ANKFY1: variants seen among roughly 807,000 people sequenced by gnomAD.
ANKFY1 encodes the protein ankyrin repeat and FYVE domain containing 1.
ANKFY1 carries 47 observed loss-of-function variants against 128.3 expected under a neutral mutation model. The ratio of observed to expected loss-of-function variants is 0.37; its 90% CI spans 0.29 to 0.47. The LOEUF (loss-of-function observed/expected upper bound fraction) is 0.47. Ranked by LOEUF, ANKFY1 falls within the 20% of genes least tolerant of loss-of-function variation. The pLI is 1.00. For synonymous variants in ANKFY1, 553 were observed against 601.6 expected (o/e 0.92, Z 1.18); for missense variants, 1,222 against 1,510.6 (o/e 0.81, Z 3.17).
At chr17:4,220,987 T>G (rs1426932608) in intron 3 of ANKFY1, among the ~76,000 whole-genome samples, 1 of 152,214 alleles carries the variant, frequency 6.6e-6, no homozygotes, top group Non-Finnish European at 1.5e-5. Flanking sequence ...ATCTCTGACT[T>G]CAAGGATGAA....
chr17:4,241,219 T>C (rs917316645), intron 2 of ANKFY1, among the ~76,000 whole-genome samples: 12 of 151,080 alleles, frequency 7.9e-5, no homozygotes, highest in Non-Finnish European at 8.8e-5. Context: ...GTATGTCATA[T>C]AGATTGAAGT....
chr17:4,248,169 G>C (rs926181209), intron 1 of ANKFY1, among the ~76,000 whole-genome samples: 1 of 152,198 alleles, frequency 6.6e-6, no homozygotes, highest in Admixed American at 6.5e-5. Flanking sequence ...CCGACCTCCA[G>C]GCCGTGGACG....
intron 11 of ANKFY1, among the ~76,000 whole-genome samples, chr17:4,185,532 G>T (rs1257456478): frequency 6.6e-6 from 1 of 151,438 alleles, no homozygotes; most frequent in Non-Finnish European, 1.5e-5. Flanking sequence ...GCATCTCGCT[G>T]TGTTGCCCAG....
intron 7 of ANKFY1, among the ~76,000 whole-genome samples, chr17:4,198,228 CTCTCTT>C (rs1262737942): frequency 2.0e-5 from 3 of 151,980 alleles, no homozygotes; most frequent in Non-Finnish European, 2.9e-5. Context: ...CAATTTCTCT[CTCTCTT>C]TCTCTTTCTT....
intron 8 of ANKFY1, among the ~76,000 whole-genome samples, chr17:4,196,657 G>A (rs1028925787): frequency 2.0e-5 from 3 of 152,184 alleles, no homozygotes; most frequent in Non-Finnish European, 4.4e-5. Context: ...GAGTGTTTAC[G>A]AGAAGGTAAA....
At chr17:4,221,983 G>A (rs989360347) in intron 3 of ANKFY1, 3 of 152,246 alleles carry the variant, frequency 2.0e-5, no homozygotes, top group Admixed American at 1.3e-4. Flanking sequence ...ATGCCGCCAA[G>A]GAGGTGGCGG....
At chr17:4,235,340 C>CAA (rs10677242) in intron 3 of ANKFY1, among the ~76,000 whole-genome samples, 94,721 of 116,604 alleles carry the variant, frequency 0.81, 40,335 homozygotes, top group South Asian at 0.97. Context: ...GACTCTGTCT[C>CAA]AAAAAAAAAA....
intron 20 of ANKFY1, 132 bp from the exon 21 acceptor site, chr17:4,173,576 C>A (rs1305490071): frequency 7.3e-6 from 6 of 827,442 alleles, no homozygotes; most frequent in African/African-American, 1.7e-5. Context: ...ACAGAGCCAT[C>A]CTTTCTGGTC....
At chr17:4,253,804 G>T (rs950938491) in intron 1 of ANKFY1, among the ~76,000 whole-genome samples, 3 of 152,124 alleles carry the variant, frequency 2.0e-5, no homozygotes, top group African/African-American at 7.2e-5. Context: ...ACTGCACACA[G>T]AGGAATTTCA....
chr17:4,200,665 T>C (rs2059911643), intron 7 of ANKFY1, among the ~76,000 whole-genome samples: 2 of 152,244 alleles, frequency 1.3e-5, no homozygotes, highest in Non-Finnish European at 1.5e-5. Context: ...GACCTTGCGA[T>C]GAATGCTAGA....
intron 12 of ANKFY1, 147 bp downstream of exon 12, chr17:4,184,671 T>G: frequency 1.2e-6 from 1 of 826,200 alleles, no homozygotes; most frequent in South Asian, 1.5e-5. Flanking sequence ...GACTACATGC[T>G]TCTCTAGTTT....
chr17:4,192,215 C>A (rs2059730032), intron 10 of ANKFY1, among the ~76,000 whole-genome samples: 1 of 142,842 alleles, frequency 7.0e-6, no homozygotes, highest in African/African-American at 2.7e-5. Flanking sequence ...GATGGTTGCT[C>A]TAATCTGGAG....
intron 17 of ANKFY1, 33 bp downstream of exon 17, chr17:4,179,688 C>T (rs368064575): frequency 7.5e-6 from 12 of 1,608,846 alleles, no homozygotes; most frequent in Non-Finnish European, 1.0e-5. Context: ...GCTGGGGCTA[C>T]ACCTCTCTCC....
At chr17:4,221,836 G>C (rs1040851855) in intron 3 of ANKFY1, among the ~76,000 whole-genome samples, 2 of 151,740 alleles carry the variant, frequency 1.3e-5, no homozygotes, top group African/African-American at 2.4e-5. Flanking sequence ...AGGCTGGTCT[G>C]GAACTCCTGA....
chr17:4,191,112 TG>T (rs2059708165), intron 10 of ANKFY1: 1 of 152,350 alleles, frequency 6.6e-6, no homozygotes, highest in South Asian at 2.1e-4. Context: ...CACTCCAGCC[TG>T]GGCGACAGAG....
At chr17:4,223,351 A>C in intron 3 of ANKFY1, 2 of 1,575,514 alleles carry the variant, frequency 1.3e-6, no homozygotes, top group African/African-American at 1.3e-5. Flanking sequence ...AAGACCTGGT[A>C]CACATGGCTA....
chr17:4,223,804 A>G (rs1172127526), intron 3 of ANKFY1: 2 of 1,473,918 alleles, frequency 1.4e-6, no homozygotes, highest in Non-Finnish European at 1.9e-6. Flanking sequence ...TCACAGTTTC[A>G]TGCAGGCCTG....
At chr17:4,168,656 CAG>C (rs1204127326) in intron 24 of ANKFY1, among the ~76,000 whole-genome samples, 1 of 151,964 alleles carries the variant, frequency 6.6e-6, no homozygotes, top group East Asian at 1.9e-4. Context: ...TTAGTAAAGA[CAG>C]GGTTTTGACG....
chr17:4,263,492 CA>C, intron 1 of ANKFY1: 3 of 1,202,048 alleles, frequency 2.5e-6, no homozygotes, highest in Non-Finnish European at 3.4e-6. Flanking sequence ...CACCCCAACC[CA>C]GCCCGAGGAG....
Sources: allele counts gnomAD v4.1 joint callset (sites outside exome capture counted in the v4.1 genomes callset), GRCh38; gene constraint gnomAD v4.1.1; transcripts MANE v1.5; gene names NCBI Gene and HGNC (gene_info 2026-07-23, HGNC 2026-07-21).